The following KLF12 variants were observed in gnomAD, a reference collection of about 807,000 sequenced individuals.
The protein encoded by KLF12 is KLF transcription factor 12.
Under a neutral mutation model 37.8 loss-of-function variants are expected in KLF12, and 9 were observed. That is an observed-to-expected ratio of 0.24 (90% CI 0.14 to 0.42). KLF12 has a LOEUF of 0.42. Ranked by LOEUF, KLF12 falls within the 10% of genes least tolerant of loss-of-function variation. The pLI, the probability that KLF12 is intolerant of heterozygous loss-of-function variation, is 1.00. For synonymous variants in KLF12, 208 were observed against 202.1 expected (o/e 1.03, Z -0.25); for missense variants, 411 against 516.0 (o/e 0.80, Z 1.97).
intron 5 of KLF12, among the ~76,000 whole-genome samples, chr13:73,805,706 AAGGAAGG>A: frequency 7.0e-6 from 1 of 142,818 alleles, no homozygotes; most frequent in African/African-American, 2.7e-5. Flanking sequence ...GGAAGGAAGG[AAGGAAGG>A]GGAAAAGATT....
At chr13:74,169,946 T>C in the KLF12 span, among the ~76,000 whole-genome samples, 1 of 152,152 alleles carries the variant, frequency 6.6e-6, no homozygotes, top group Non-Finnish European at 1.5e-5. Flanking sequence ...CACTCCACCT[T>C]TATGAGAGTC....
the KLF12 span, among the ~76,000 whole-genome samples, chr13:74,145,905 G>A: frequency 1.3e-5 from 2 of 152,044 alleles, no homozygotes; most frequent in African/African-American, 2.4e-5. Flanking sequence ...CTTATTCTTA[G>A]TATCACAGAG....
chr13:73,890,996 C>G (rs1887478795), intron 3 of KLF12, among the ~76,000 whole-genome samples: 1 of 151,890 alleles, frequency 6.6e-6, no homozygotes, highest in East Asian at 1.9e-4. Context: ...CCTTAAAGAA[C>G]AAATGTAGAA....
In KLF12 at chr13:73,764,962, C is replaced by T; in HGVS notation, c.845G>A (p.Arg282Gln). Residue 282 changes from arginine to glutamine, a missense_variant, in exon 6 of 8, where the codon CGA (arginine) becomes CAA (glutamine). Arg to Gln is a conservative substitution (Grantham distance 43). Coordinates refer to ENST00000377669, the MANE Select transcript of KLF12 (RefSeq NM_007249.5). ...CCAAGGAAACTTTTGATTATTCATT[C>T]GATTGCCCCGGACCCTTGATACTGG... 6.3e-7 allele frequency: 1 copy of T among 1,575,304 alleles called. No individual in the cohort carries two copies. The highest frequency in any genetic ancestry group is 8.7e-7 in the Non-Finnish European group (1 of 1,145,158).
chr13:73,894,821 G>A (rs1006351696), intron 3 of KLF12, among the ~76,000 whole-genome samples: 2 of 151,970 alleles, frequency 1.3e-5, no homozygotes, highest in African/African-American at 2.4e-5. Flanking sequence ...TACCCAATCC[G>A]CTTTTAAATA....
At chr13:74,031,217 C>T (rs561900622) in intron 1 of KLF12, among the ~76,000 whole-genome samples, 7 of 152,236 alleles carry the variant, frequency 4.6e-5, no homozygotes, top group South Asian at 4.1e-4. Flanking sequence ...TCTCCTCTAG[C>T]AATACTATTG....
upstream of KLF12, among the ~76,000 whole-genome samples, chr13:74,136,625 A>G (rs1399491042): frequency 6.6e-6 from 1 of 152,234 alleles, no homozygotes; most frequent in Non-Finnish European, 1.5e-5. Flanking sequence ...TGCACGTGGA[A>G]AAGCAAACTG....
At chr13:74,232,307 G>T in the KLF12 span, among the ~76,000 whole-genome samples, 2 of 152,172 alleles carry the variant, frequency 1.3e-5, no homozygotes, top group South Asian at 4.1e-4. Context: ...ATTTTAAATA[G>T]ATTTTCTATT....
At chr13:74,298,433 C>A in the KLF12 span, among the ~76,000 whole-genome samples, 9,148 of 152,154 alleles carry the variant, frequency 0.06, 893 homozygotes, top group African/African-American at 0.2. Flanking sequence ...AGTTGTTCTG[C>A]GTTTCAAATG....
chr13:74,232,126 C>T, the KLF12 span, among the ~76,000 whole-genome samples: 4 of 152,092 alleles, frequency 2.6e-5, no homozygotes, highest in East Asian at 1.9e-4. Flanking sequence ...CCAAGTCTTG[C>T]TGGCAGAGGA....
intron 5 of KLF12, among the ~76,000 whole-genome samples, chr13:73,768,221 A>G (rs1349891183): frequency 6.6e-6 from 1 of 152,180 alleles, no homozygotes; most frequent in East Asian, 1.9e-4. Flanking sequence ...AATGGGGCCT[A>G]TTACCTAGGG....
At chr13:73,954,272 C>A (rs921001462) in intron 2 of KLF12, among the ~76,000 whole-genome samples, 2 of 152,074 alleles carry the variant, frequency 1.3e-5, no homozygotes, top group African/African-American at 4.8e-5. Context: ...CCCACCGCAC[C>A]CAGCCCGGTT....
intron 4 of KLF12, among the ~76,000 whole-genome samples, chr13:73,833,983 A>G (rs1447744628): frequency 1.3e-5 from 2 of 152,154 alleles, no homozygotes; most frequent in Non-Finnish European, 2.9e-5. Context: ...AGTGTTTCCC[A>G]CATTAATGCA....
At chr13:73,877,022 A>G (rs958164463) in intron 3 of KLF12, among the ~76,000 whole-genome samples, 3 of 152,146 alleles carry the variant, frequency 2.0e-5, no homozygotes, top group South Asian at 2.1e-4. Context: ...CAAAAAAAAA[A>G]AAAAGAAAAG....
the KLF12 span, among the ~76,000 whole-genome samples, chr13:74,190,940 G>A: frequency 1.3e-5 from 2 of 152,068 alleles, no homozygotes; most frequent in African/African-American, 4.8e-5. Flanking sequence ...TTCCACTTAT[G>A]TTTGGATTCC....
chr13:73,875,660 T>C (rs558385919), intron 3 of KLF12, among the ~76,000 whole-genome samples: 105 of 152,292 alleles, frequency 6.9e-4, no homozygotes, highest in Non-Finnish European at 1.0e-3. Flanking sequence ...CAGCTTTTCC[T>C]GCTTGACAAA....
chr13:73,964,858 G>T (rs1891131153), intron 2 of KLF12, among the ~76,000 whole-genome samples: 1 of 152,008 alleles, frequency 6.6e-6, no homozygotes, highest in Non-Finnish European at 1.5e-5. Context: ...ATGGCAGGAG[G>T]CACATTAAAG....
At chr13:73,847,981 G>T (rs1467600946) in intron 3 of KLF12, among the ~76,000 whole-genome samples, 1 of 152,060 alleles carries the variant, frequency 6.6e-6, no homozygotes, top group Non-Finnish European at 1.5e-5. Context: ...TACCCACATA[G>T]AAATTCTTTG....
At chr13:74,145,712 C>T in the KLF12 span, among the ~76,000 whole-genome samples, 1 of 152,088 alleles carries the variant, frequency 6.6e-6, no homozygotes, top group Non-Finnish European at 1.5e-5. Context: ...AAATATTTTG[C>T]CTTTTTATCT....
Sources: allele counts gnomAD v4.1 joint callset (sites outside exome capture counted in the v4.1 genomes callset), GRCh38; gene constraint gnomAD v4.1.1; transcripts MANE v1.5; gene names NCBI Gene and HGNC (gene_info 2026-07-23, HGNC 2026-07-21).